The following SUGCT variants were observed in gnomAD, a reference collection of about 807,000 sequenced individuals.
SUGCT encodes the protein succinyl-CoA:glutarate CoA-transferase.
SUGCT carries 41 observed loss-of-function variants against 55.0 expected under a neutral mutation model. The observed-to-expected ratio is 0.74, with a 90% CI of 0.58 to 0.97. The LOEUF (loss-of-function observed/expected upper bound fraction) is 0.97. Ranked by LOEUF, SUGCT falls within the 50% of genes least tolerant of loss-of-function variation. The pLI, the probability that SUGCT is intolerant of heterozygous loss-of-function variation, is 0.00. For synonymous variants in SUGCT, 187 were observed against 200.4 expected, an observed-to-expected ratio of 0.93 and a Z score of 0.56; for missense variants, 568 against 547.8, an observed-to-expected ratio of 1.04 and a Z score of -0.37.
chr7:40,628,013 TG>T (rs1198235572), intron 12 of SUGCT, among the ~76,000 whole-genome samples: 5 of 152,182 alleles, frequency 3.3e-5, no homozygotes, highest in African/African-American at 1.2e-4. Context: ...CTATATTGAG[TG>T]GTTTTATATT....
intron 5 of SUGCT, among the ~76,000 whole-genome samples, chr7:40,192,076 C>T (rs1785945724): frequency 6.9e-6 from 1 of 145,176 alleles, no homozygotes; most frequent in South Asian, 2.2e-4. Context: ...CCATTGCACT[C>T]CAGCCTGGGT....
intron 8 of SUGCT, among the ~76,000 whole-genome samples, chr7:40,312,460 TA>T (rs34196397): frequency 0.56 from 84,989 of 151,824 alleles, 25,174 homozygotes; most frequent in Non-Finnish European, 0.67. Flanking sequence ...CTGGTGAAAT[TA>T]TTTTTTTCCA....
At chr7:40,260,824 G>T (rs1429846691) in intron 7 of SUGCT, among the ~76,000 whole-genome samples, 1 of 151,728 alleles carries the variant, frequency 6.6e-6, no homozygotes, top group Non-Finnish European at 1.5e-5. Context: ...GCTAATTTTT[G>T]TATTTTCAGT....
chr7:40,780,813 T>G (rs573474017), intron 13 of SUGCT, among the ~76,000 whole-genome samples: 1 of 151,554 alleles, frequency 6.6e-6, no homozygotes, highest in Admixed American at 6.6e-5. Context: ...TTTAACAAAT[T>G]TAAAAACACC....
intron 10 of SUGCT, among the ~76,000 whole-genome samples, chr7:40,457,904 C>T (rs1789576809): frequency 6.6e-6 from 1 of 152,144 alleles, no homozygotes; most frequent in South Asian, 2.1e-4. Context: ...TGTCTAACTG[C>T]TAGACAGGGC....
chr7:40,830,916 A>G (rs898734673), intron 13 of SUGCT, among the ~76,000 whole-genome samples: 3 of 152,208 alleles, frequency 2.0e-5, no homozygotes, highest in African/African-American at 7.2e-5. Flanking sequence ...AAAGGAGGAA[A>G]GTAAGAAAAA....
chr7:40,193,280 G>GTTTT (rs752659107), intron 5 of SUGCT, among the ~76,000 whole-genome samples: 3,189 of 86,898 alleles, frequency 0.037, 296 homozygotes, highest in African/African-American at 0.087. Flanking sequence ...CAATTACTGT[G>GTTTT]TTTTTTTTTT....
intron 11 of SUGCT, among the ~76,000 whole-genome samples, chr7:40,470,061 C>T (rs991097124): frequency 6.6e-6 from 1 of 152,100 alleles, no homozygotes; most frequent in African/African-American, 2.4e-5. Context: ...GTGGAAGACT[C>T]CACAAGTCAA....
chr7:40,353,745 A>G (rs1300917749), intron 9 of SUGCT, among the ~76,000 whole-genome samples: 2 of 152,210 alleles, frequency 1.3e-5, no homozygotes, highest in Non-Finnish European at 2.9e-5. Context: ...TACCGAAAAT[A>G]TGACAAGTAT....
chr7:40,358,638 C>T (rs1306938798), intron 9 of SUGCT, among the ~76,000 whole-genome samples: 2 of 152,002 alleles, frequency 1.3e-5, no homozygotes, highest in Non-Finnish European at 1.5e-5. Flanking sequence ...CGCTTGAACC[C>T]GTGAGGCACA....
intron 13 of SUGCT, among the ~76,000 whole-genome samples, chr7:40,847,298 G>A (rs779421601): frequency 1.3e-5 from 2 of 152,036 alleles, no homozygotes; most frequent in Non-Finnish European, 2.9e-5. Flanking sequence ...CAGGCTGGTG[G>A]AACAGTCACC....
intron 12 of SUGCT, among the ~76,000 whole-genome samples, chr7:40,570,642 A>G (rs1796390558): frequency 6.6e-6 from 1 of 152,144 alleles, no homozygotes; most frequent in Non-Finnish European, 1.5e-5. Context: ...TCTTTTCCCC[A>G]GCTGCTTCCT....
the SUGCT span, among the ~76,000 whole-genome samples, chr7:41,032,477 C>CT: frequency 4.9e-4 from 75 of 152,114 alleles, no homozygotes; most frequent in Middle Eastern, 6.8e-3. Flanking sequence ...CTGTCTTCCT[C>CT]TTTTTTTGCC....
chr7:40,980,361 CT>C, the SUGCT span, among the ~76,000 whole-genome samples: 1 of 152,248 alleles, frequency 6.6e-6, no homozygotes, highest in Middle Eastern at 3.4e-3. Flanking sequence ...TATTGCATCC[CT>C]TTTGCCCCCC....
intron 11 of SUGCT, among the ~76,000 whole-genome samples, chr7:40,488,527 T>G (rs1427397215): frequency 2.0e-5 from 3 of 152,206 alleles, no homozygotes; most frequent in African/African-American, 7.2e-5. Context: ...CATTACCATA[T>G]GAGTATATTC....
At chr7:40,906,057 C>T in the SUGCT span, among the ~76,000 whole-genome samples, 7 of 152,018 alleles carry the variant, frequency 4.6e-5, no homozygotes, top group African/African-American at 1.7e-4. Flanking sequence ...TATAATTCAG[C>T]GGTATTAACT....
chr7:40,231,146 A>T (rs1452740011), intron 6 of SUGCT, among the ~76,000 whole-genome samples: 1 of 152,182 alleles, frequency 6.6e-6, no homozygotes, highest in Non-Finnish European at 1.5e-5. Flanking sequence ...TCAGAAACTC[A>T]GTTGCCAGGA....
At chr7:40,962,895 C>T in the SUGCT span, among the ~76,000 whole-genome samples, 5 of 152,012 alleles carry the variant, frequency 3.3e-5, no homozygotes, top group Admixed American at 3.3e-4. Flanking sequence ...ACCTGTGTAC[C>T]ACTCTTTTAG....
At chr7:40,834,095 T>A (rs897900164) in intron 13 of SUGCT, among the ~76,000 whole-genome samples, 9 of 152,168 alleles carry the variant, frequency 5.9e-5, no homozygotes, top group Non-Finnish European at 1.2e-4. Context: ...CAGTTCTGCT[T>A]TTTTAACTTT....
Sources: allele counts gnomAD v4.1 joint callset (sites outside exome capture counted in the v4.1 genomes callset), GRCh38; gene constraint gnomAD v4.1.1; transcripts MANE v1.5; gene names NCBI Gene and HGNC (gene_info 2026-07-23, HGNC 2026-07-21).